Variants in METTL22 observed in about 807,000 individuals in gnomAD.
METTL22 encodes the protein methyltransferase-like protein 22.
A neutral mutation model predicts 48.4 loss-of-function variants in METTL22; 51 were observed. That is an observed-to-expected ratio of 1.05 (90% CI 0.84 to 1.33). METTL22 has a LOEUF of 1.33. Among genes scored for constraint, METTL22 ranks in the 40% most tolerant of loss-of-function variants. METTL22 has a pLI of 0.00. For missense variants in METTL22, 678 were observed against 526.9 expected (o/e 1.29, Z -2.81); for synonymous variants, 255 against 214.1 (o/e 1.19, Z -1.67).
the METTL22 span, among the ~76,000 whole-genome samples, chr16:8,664,350 T>C: frequency 1.3e-5 from 2 of 152,188 alleles, no homozygotes; most frequent in African/African-American, 2.4e-5. Context: ...TTCACCATGT[T>C]GGCCAGGCTG....
chr16:8,628,197 C>T (rs987754275), intron 2 of METTL22, among the ~76,000 whole-genome samples: 1 of 152,206 alleles, frequency 6.6e-6, no homozygotes, highest in East Asian at 1.9e-4. Context: ...TCTTCCCCAA[C>T]TTCACTCCTA....
intron 10 of METTL22, among the ~76,000 whole-genome samples, chr16:8,645,369 G>C (rs1243270496): frequency 2.0e-5 from 3 of 152,180 alleles, no homozygotes; most frequent in African/African-American, 4.8e-5. Flanking sequence ...TTGTGTGCGA[G>C]GAGGATCTTG....
chr16:8,666,212 G>A, the METTL22 span, among the ~76,000 whole-genome samples: 4 of 152,174 alleles, frequency 2.6e-5, no homozygotes, highest in African/African-American at 4.8e-5. Context: ...CCAATGACGG[G>A]GAGTAGTTGG....
chr16:8,635,268 C>A lies in METTL22; in HGVS notation c.656C>A (p.Ala219Asp), dbSNP rs1473569398. Reference protein sequence around the residue: ...ALELGAGTGLASIIAATMART... With the variant: ...ALELGAGTGLDSIIAATMART... ...GAGCTCGGGGCCGGCACGGGGCTCG[C>A]TAGCATCATCGCAGCCACCATGGCA... The change falls in exon 5 of 11, where the codon GCT becomes GAT. Residue 219 changes from alanine to aspartate, a missense_variant. By Grantham distance (126) the Ala-to-Asp change is moderately radical. Coordinates refer to ENST00000381920, the MANE Select transcript of METTL22 (RefSeq NM_024109.4). 1.2e-6 allele frequency: 2 copies of A among 1,603,832 alleles called. No individual in the cohort carries two copies. The highest frequency in any genetic ancestry group is 1.7e-6 in the Non-Finnish European group (2 of 1,175,348).
the METTL22 span, among the ~76,000 whole-genome samples, chr16:8,663,560 G>T: frequency 7.1e-6 from 1 of 140,552 alleles, no homozygotes; most frequent in South Asian, 2.3e-4. Context: ...ACCCAGGTGG[G>T]GGCCCCACCT....
chr16:8,624,642 G>T (rs1305993733), intron 1 of METTL22, among the ~76,000 whole-genome samples: 1 of 151,962 alleles, frequency 6.6e-6, no homozygotes, highest in African/African-American at 2.4e-5. Context: ...GATATGGGAG[G>T]ATGGCTTGAG....
At chr16:8,664,401 C>T in the METTL22 span, among the ~76,000 whole-genome samples, 2 of 152,068 alleles carry the variant, frequency 1.3e-5, no homozygotes, top group East Asian at 3.9e-4. Context: ...CTGCCCCAGC[C>T]TCCCAAAGTG....
chr16:8,659,340 CA>C, the METTL22 span, among the ~76,000 whole-genome samples: 5 of 149,564 alleles, frequency 3.3e-5, no homozygotes, highest in Admixed American at 6.7e-5. Flanking sequence ...AAAAAACGAA[CA>C]AAAAAAACTT....
At chr16:8,642,268 C>A in intron 8 of METTL22, 61 bp downstream of exon 8, 1 of 1,440,828 alleles carries the variant, frequency 6.9e-7, no homozygotes. Flanking sequence ...CAAGTGCAGT[C>A]TCTCCTCACT....
rs1555475065 is a variant in METTL22, at chr16:8,640,973, G to GCTGGCTGGCTGTCTGGCTGT, written c.773-146_773-145insCTGGCTGTCTGGCTGGCTGT. On this transcript the variant is annotated intron_variant, in intron 6 of 10. Transcript: ENST00000381920. ...GGGTGGATGGCTGGCTGGCTGGCTG[G>GCTGGCTGGCTGTCTGGCTGT]CTGGCTGGCTGTAAAGATGGAAGGG... Among the ~76,000 whole-genome samples, 161 of 40,314 alleles carry GCTGGCTGGCTGTCTGGCTGT rather than the reference G, an allele frequency of 4.0e-3. 17 individuals carry two copies. Among genetic ancestry groups the GCTGGCTGGCTGTCTGGCTGT allele is most frequent in the Non-Finnish European group, 5.4e-3 (104 of 19,288 alleles). 26.4% of individuals were successfully genotyped at this position (40,314 alleles called of 152,430 possible). A position where few individuals can be genotyped will look rare whatever the true frequency, so the allele number is the denominator to read the frequency against.
At chr16:8,662,702 C>G in the METTL22 span, among the ~76,000 whole-genome samples, 1 of 143,846 alleles carries the variant, frequency 7.0e-6, no homozygotes, top group Non-Finnish European at 1.5e-5. Flanking sequence ...GCACCCCTTT[C>G]CACTGGAGGT....
chr16:8,635,517 G>A (rs751408160), intron 5 of METTL22, among the ~76,000 whole-genome samples: 13 of 152,176 alleles, frequency 8.5e-5, no homozygotes, highest in East Asian at 3.9e-4. Flanking sequence ...CAGCAGCAGC[G>A]TCACCCAGTG....
chr16:8,628,869 T>C lies in METTL22; in HGVS notation c.273T>C (p.Ser91=). The C allele has an allele frequency of 6.2e-7, 1 of 1,613,732 alleles. No homozygotes were observed. Among genetic ancestry groups the C allele is most frequent in the Non-Finnish European group, 8.5e-7 (1 of 1,179,924 alleles). ...ETGSTGSPPG[S]GHGNEGFSLQ... ...GCAGCACAGGGTCCCCTCCAGGAAG[T>C]GGCCATGGTAATGAGGGTTTCTCCC... The change falls in exon 3 of 11, where the codon AGT becomes AGC. Residue 91 remains serine, a synonymous_variant. Coordinates refer to ENST00000381920, the MANE Select transcript of METTL22 (RefSeq NM_024109.4).
chr16:8,662,455 C>T, the METTL22 span, among the ~76,000 whole-genome samples: 2 of 144,418 alleles, frequency 1.4e-5, 1 homozygote, highest in Admixed American at 1.4e-4. Context: ...GACATGATGA[C>T]AGTCTTATTC....
At chr16:8,639,927 A>G (rs974331460) in intron 6 of METTL22, among the ~76,000 whole-genome samples, 5 of 151,380 alleles carry the variant, frequency 3.3e-5, no homozygotes, top group African/African-American at 1.2e-4. Flanking sequence ...TTCAAATCAC[A>G]TTCCCTCGAG....
At chr16:8,634,259 G>C (rs1731048) in intron 3 of METTL22, among the ~76,000 whole-genome samples, 1 of 152,208 alleles carries the variant, frequency 6.6e-6, no homozygotes, top group Non-Finnish European at 1.5e-5. Flanking sequence ...TTTCTTTCCT[G>C]GTTCGGGGAC....
intron 3 of METTL22, among the ~76,000 whole-genome samples, chr16:8,629,639 G>T (rs1048551271): frequency 6.6e-6 from 1 of 152,174 alleles, no homozygotes; most frequent in African/African-American, 2.4e-5. Flanking sequence ...AGGTAAGAAA[G>T]GGGAGTGATG....
chr16:8,660,116 C>T, the METTL22 span, among the ~76,000 whole-genome samples: 1 of 151,706 alleles, frequency 6.6e-6, no homozygotes, highest in Non-Finnish European at 1.5e-5. Context: ...GTGATTTTTG[C>T]CCTGTAGGAC....
In METTL22 at chr16:8,642,166, C is replaced by T. The variant is rs370643841; in HGVS notation, c.866C>T (p.Ser289Phe). Residue 289 changes from serine to phenylalanine, a missense_variant, in exon 8 of 11, where the codon TCT (serine) becomes TTT (phenylalanine). Ser to Phe is a radical substitution (Grantham distance 155, BLOSUM62 -2). Coordinates refer to ENST00000381920, the MANE Select transcript of METTL22 (RefSeq NM_024109.4). ...VPFSWSQEEI[S>F]DLYDHTTILF... ...TTCAGTTGGTCACAAGAGGAAATTT[C>T]TGACTTGTACGATCACACCACCATC... 8.7e-6 allele frequency: 14 copies of T among 1,613,798 alleles called. No individual in the cohort carries two copies. The highest frequency in any genetic ancestry group is 1.7e-5 in the Admixed American group (1 of 60,008).
Sources: allele counts gnomAD v4.1 joint callset (sites outside exome capture counted in the v4.1 genomes callset), GRCh38; gene constraint gnomAD v4.1.1; transcripts MANE v1.5; gene names NCBI Gene and HGNC (gene_info 2026-07-23, HGNC 2026-07-21).